UBE2K: variants seen among roughly 807,000 people sequenced by gnomAD.
The protein encoded by UBE2K is ubiquitin-conjugating enzyme E2 K.
UBE2K carries 6 observed loss-of-function variants against 30.0 expected under a neutral mutation model. The ratio of observed to expected loss-of-function variants is 0.20; its 90% CI spans 0.11 to 0.39. The LOEUF (loss-of-function observed/expected upper bound fraction) is 0.39, where lower values mean the gene tolerates loss of function less well. Ranked by LOEUF, UBE2K falls within the 10% of genes least tolerant of loss-of-function variation. The pLI is 1.00. For synonymous variants in UBE2K, 86 were observed against 83.7 expected, an observed-to-expected ratio of 1.03 and a Z score of -0.15; for missense variants, 61 against 241.6, an observed-to-expected ratio of 0.25 and a Z score of 4.96.
intron 1 of UBE2K, among the ~76,000 whole-genome samples, chr4:39,708,444 G>T (rs569292284): frequency 6.6e-6 from 1 of 152,100 alleles, no homozygotes; most frequent in East Asian, 1.9e-4. Context: ...AATAAAGTGT[G>T]ACTGGCATCC....
At chr4:39,771,314 G>A in intron 4 of UBE2K, 1 of 1,612,160 alleles carries the variant, frequency 6.2e-7, no homozygotes, top group Non-Finnish European at 8.5e-7. Flanking sequence ...CGAAACTTGA[G>A]GCTGTCGGCC....
intron 1 of UBE2K, among the ~76,000 whole-genome samples, chr4:39,732,444 A>G (rs1720124131): frequency 6.6e-6 from 1 of 152,190 alleles, no homozygotes. Context: ...CATTATTTGA[A>G]AGAATTTTTA....
chr4:39,706,605 G>A (rs941787319), intron 1 of UBE2K, among the ~76,000 whole-genome samples: 1 of 151,090 alleles, frequency 6.6e-6, no homozygotes, highest in Non-Finnish European at 1.5e-5. Flanking sequence ...CCAAGTAGCT[G>A]GGATTACAGG....
chr4:39,760,176 C>CAAAAAAAAAAAAAA (rs71194913), intron 4 of UBE2K, among the ~76,000 whole-genome samples: 1 of 77,174 alleles, frequency 1.3e-5, no homozygotes, highest in African/African-American at 6.1e-5. Flanking sequence ...GACTCTGTCA[C>CAAAAAAAAAAAAAA]AAAAAAAAAA....
At chr4:39,760,374 T>A (rs1435274660) in intron 4 of UBE2K, among the ~76,000 whole-genome samples, 2 of 152,068 alleles carry the variant, frequency 1.3e-5, no homozygotes, top group African/African-American at 2.4e-5. Context: ...TATGGCAGAT[T>A]TATTAATAGC....
intron 4 of UBE2K, among the ~76,000 whole-genome samples, chr4:39,761,707 AT>A (rs1176277555): frequency 6.6e-6 from 1 of 152,214 alleles, no homozygotes; most frequent in East Asian, 1.9e-4. Flanking sequence ...TCAGTACAAT[AT>A]AGATTTGATC....
chr4:39,762,959 T>TTTTTTTG, intron 4 of UBE2K, among the ~76,000 whole-genome samples: 1 of 142,786 alleles, frequency 7.0e-6, no homozygotes, highest in Non-Finnish European at 1.5e-5. Context: ...TTTTTTTTTT[T>TTTTTTTG]TTTTGGAGAC....
intron 1 of UBE2K, among the ~76,000 whole-genome samples, chr4:39,719,247 C>T (rs1449709828): frequency 6.6e-6 from 1 of 152,200 alleles, no homozygotes. Flanking sequence ...TCGAAACCTA[C>T]TTGTCCTAAA....
chr4:39,742,217 G>C (rs1025222880), intron 2 of UBE2K, among the ~76,000 whole-genome samples: 1 of 151,992 alleles, frequency 6.6e-6, no homozygotes, highest in African/African-American at 2.4e-5. Flanking sequence ...AAAAAGAAAA[G>C]CCTATGTAGT....
chr4:39,717,730 G>T (rs1719164090), intron 1 of UBE2K, among the ~76,000 whole-genome samples: 1 of 152,192 alleles, frequency 6.6e-6, no homozygotes, highest in African/African-American at 2.4e-5. Context: ...CCCTTGCGGT[G>T]AGTGTTAACA....
At chr4:39,742,612 C>T (rs75099968) in intron 2 of UBE2K, among the ~76,000 whole-genome samples, 16,825 of 152,006 alleles carry the variant, frequency 0.11, 1,139 homozygotes, top group East Asian at 0.22. Context: ...CATGGTGGCG[C>T]GCACCTGTAG....
At chr4:39,716,424 CT>C (rs1255338073) in intron 1 of UBE2K, among the ~76,000 whole-genome samples, 1 of 152,070 alleles carries the variant, frequency 6.6e-6, no homozygotes, top group African/African-American at 2.4e-5. Context: ...ATTTTTTTTA[CT>C]TTTTGTGGAG....
intron 4 of UBE2K, among the ~76,000 whole-genome samples, chr4:39,774,329 C>T (rs1021809949): frequency 1.3e-5 from 2 of 151,062 alleles, no homozygotes; most frequent in South Asian, 4.2e-4. Flanking sequence ...AAAGGCCGGG[C>T]GCAGGTGGTT....
intron 4 of UBE2K, 114 bp from the exon 5 acceptor site, chr4:39,774,715 TTAAGA>T (rs1713182267): frequency 6.7e-6 from 3 of 449,184 alleles, no homozygotes; most frequent in South Asian, 1.4e-4. Context: ...AACTATATAA[TTAAGA>T]TAAAGATCTA....
chr4:39,764,809 G>A (rs1333320676), intron 4 of UBE2K, among the ~76,000 whole-genome samples: 5 of 151,800 alleles, frequency 3.3e-5, no homozygotes, highest in Non-Finnish European at 5.9e-5. Flanking sequence ...AGATTGTGTC[G>A]TCACAATAGG....
At chr4:39,739,889 T>A (rs1720601154) in intron 2 of UBE2K, among the ~76,000 whole-genome samples, 1 of 152,226 alleles carries the variant, frequency 6.6e-6, no homozygotes, top group Non-Finnish European at 1.5e-5. Context: ...GTGCCCAACC[T>A]TGTACCAATT....
At chr4:39,703,676 G>A (rs954879408) in intron 1 of UBE2K, among the ~76,000 whole-genome samples, 14 of 151,450 alleles carry the variant, frequency 9.2e-5, no homozygotes, top group African/African-American at 3.1e-4. Flanking sequence ...ATGAAACCCC[G>A]TCTCTACTAA....
intron 1 of UBE2K, among the ~76,000 whole-genome samples, chr4:39,722,732 T>C (rs935354226): frequency 6.6e-6 from 1 of 151,982 alleles, no homozygotes; most frequent in Non-Finnish European, 1.5e-5. Flanking sequence ...TGTGGGATTT[T>C]TTTTTCCTCA....
rs1019398965 is a variant in UBE2K at position 39,716,325 on chromosome 4, G to A, written c.63+17935G>A. On this transcript the variant is annotated intron_variant, in intron 1 of 6. Coordinates refer to ENST00000261427, the MANE Select transcript of UBE2K (RefSeq NM_005339.5). ...CCGTGTTGTGATCACAGCTCACGCC[G>A]CAGTCTTAACCTGTTGGGCTTAAGT... Among the ~76,000 whole-genome samples the A allele has an allele frequency of 9.9e-5, 15 of 152,176 alleles. No homozygotes were observed. In the East Asian group the frequency reaches 2.1e-3, roughly 22 times the overall value.
Sources: gnomAD v4.1 joint callset for allele counts (sites outside exome capture counted in the v4.1 genomes callset) on GRCh38, gnomAD v4.1.1 for gene constraint, MANE v1.5 for transcripts, NCBI Gene and HGNC (gene_info 2026-07-23, HGNC 2026-07-21) for gene names.